Variants in VAT1L observed in about 807,000 individuals in gnomAD.
The protein encoded by VAT1L is vesicle amine transport 1 like, also known as putative NADPH-dependent quinone oxidoreductase VAT1L.
Under a neutral mutation model 44.1 loss-of-function variants are expected in VAT1L, and 34 were observed. That is an observed-to-expected ratio of 0.77 (90% CI 0.59 to 1.03). The LOEUF (loss-of-function observed/expected upper bound fraction) is 1.03. VAT1L is among the 50% of genes least tolerant of loss of function. VAT1L has a pLI of 0.00. For synonymous variants in VAT1L, 253 were observed against 202.2 expected, an observed-to-expected ratio of 1.25 and a Z score of -2.13; for missense variants, 615 against 538.8, an observed-to-expected ratio of 1.14 and a Z score of -1.40.
At chr16:77,945,187 C>T (rs2017944654) in intron 7 of VAT1L, among the ~76,000 whole-genome samples, 1 of 150,996 alleles carries the variant, frequency 6.6e-6, no homozygotes, top group Non-Finnish European at 1.5e-5. Flanking sequence ...ACTGTTCTAG[C>T]ACATAGAAGA....
At chr16:77,976,160 CAG>C (rs1212183906) in intron 8 of VAT1L, among the ~76,000 whole-genome samples, 1 of 152,154 alleles carries the variant, frequency 6.6e-6, no homozygotes, top group East Asian at 1.9e-4. Flanking sequence ...AAGAAAACTG[CAG>C]AGACATGGTC....
At chr16:77,848,741 C>G (rs2016780579) in intron 3 of VAT1L, among the ~76,000 whole-genome samples, 1 of 152,196 alleles carries the variant, frequency 6.6e-6, no homozygotes, top group African/African-American at 2.4e-5. Context: ...TTCCCAGAAC[C>G]TACCCAGTAT....
intron 7 of VAT1L, among the ~76,000 whole-genome samples, chr16:77,940,115 G>A (rs531506585): frequency 5.8e-4 from 89 of 152,232 alleles, no homozygotes; most frequent in African/African-American, 2.1e-3. Context: ...AGCTCAAAAT[G>A]TCAAGAAAGC....
chr16:77,844,077 T>C (rs1189138152), intron 3 of VAT1L, among the ~76,000 whole-genome samples: 1 of 152,224 alleles, frequency 6.6e-6, no homozygotes, highest in East Asian at 1.9e-4. Context: ...CACATAGCTA[T>C]ACAGCAAATA....
At chr16:77,892,981 C>G (rs1004336265) in intron 7 of VAT1L, 41 of 678,764 alleles carry the variant, frequency 6.0e-5, no homozygotes, top group Non-Finnish European at 8.4e-5. Context: ...AGGGTACCCT[C>G]CATCCCATTT....
At position 77,882,950 on chromosome 16, in the gene VAT1L, G is replaced by A. The variant is rs114944386; in HGVS notation, c.883-1658G>A. ...CAAAACTGAAAGCCAAGAAACCTAA[G>A]GTCAAATGCGTGGCTCTTATTGGTC... On this transcript the variant is annotated intron_variant, in intron 6 of 8. Transcript: ENST00000302536. Among the ~76,000 whole-genome samples the A allele has an allele frequency of 3.5e-3, 527 of 152,184 alleles. 3 individuals carry two copies. The highest frequency in any genetic ancestry group is 0.012 in the African/African-American group (479 of 41,504).
chr16:77,854,850 A>G (rs1037754166), intron 3 of VAT1L, among the ~76,000 whole-genome samples: 2 of 152,200 alleles, frequency 1.3e-5, no homozygotes, highest in Non-Finnish European at 2.9e-5. Context: ...TTTTTGTAAG[A>G]TGATCTTGAA....
rs1421820249 is a variant in VAT1L at position 77,793,301 on chromosome 16, T to A, written c.233+4386T>A. Among the ~76,000 whole-genome samples the A allele has an allele frequency of 2.0e-5, 3 of 151,964 alleles. No homozygotes were observed. The South Asian group carries it at 6.2e-4, about 32-fold the overall frequency. ...TAATTTTTTTTTAATTTATTTTTTGTCGAGACAGAGTCTATGTTGCTCAGG... is the reference window on the plus strand; with the variant it reads ...TAATTTTTTTTTAATTTATTTTTTGACGAGACAGAGTCTATGTTGCTCAGG... On this transcript the variant is annotated intron_variant, in intron 1 of 8. Coordinates refer to ENST00000302536, the MANE Select transcript of VAT1L (RefSeq NM_020927.3).
chr16:77,820,816 G>A (rs981655102), intron 2 of VAT1L, among the ~76,000 whole-genome samples: 7 of 152,136 alleles, frequency 4.6e-5, no homozygotes, highest in Non-Finnish European at 7.4e-5. Context: ...GGCACTTAGC[G>A]CAGATTCAGG....
In VAT1L at chr16:77,862,821, A is replaced by G. The variant is rs572264595; in HGVS notation, c.653A>G (p.His218Arg). 5 of 1,614,096 alleles carry G rather than the reference A, an allele frequency of 3.1e-6. No homozygotes were observed. Among genetic ancestry groups the G allele is most frequent in the East Asian group, 4.5e-5 (2 of 44,876 alleles). ...TTTGGAACAGCCTCTACTTTCAAGC[A>G]TGAAGCAATCAAAGACTCTGTGACC... Reference protein sequence around the residue: ...TVFGTASTFKHEAIKDSVTHL... With the variant: ...TVFGTASTFKREAIKDSVTHL... Residue 218 changes from histidine to arginine, a missense_variant, in exon 4 of 9, where the codon CAT (histidine) becomes CGT (arginine). Coordinates refer to ENST00000302536, the MANE Select transcript of VAT1L (RefSeq NM_020927.3).
intron 3 of VAT1L, among the ~76,000 whole-genome samples, chr16:77,854,428 T>C (rs549782315): frequency 1.3e-5 from 2 of 152,218 alleles, no homozygotes; most frequent in Admixed American, 6.5e-5. Flanking sequence ...ACAGTGGAGT[T>C]TGAATTTCCT....
chr16:77,798,985 C>T (rs1333806691), intron 1 of VAT1L, among the ~76,000 whole-genome samples: 3 of 152,090 alleles, frequency 2.0e-5, no homozygotes, highest in Non-Finnish European at 4.4e-5. Context: ...ATCCTCTCTC[C>T]TCATAAGTTA....
intron 3 of VAT1L, among the ~76,000 whole-genome samples, chr16:77,829,805 T>G (rs908715747): frequency 6.6e-6 from 1 of 152,206 alleles, no homozygotes; most frequent in Admixed American, 6.5e-5. Context: ...GGCATTACTG[T>G]TCCTGTGAGG....
At chr16:77,930,083 A>G (rs950290785) in intron 7 of VAT1L, among the ~76,000 whole-genome samples, 2 of 152,106 alleles carry the variant, frequency 1.3e-5, no homozygotes, top group Non-Finnish European at 1.5e-5. Context: ...AGAAGGACCT[A>G]CCTTCCAGCC....
intron 3 of VAT1L, among the ~76,000 whole-genome samples, chr16:77,829,985 G>A (rs1450927574): frequency 6.6e-6 from 1 of 152,158 alleles, no homozygotes; most frequent in Admixed American, 6.5e-5. Context: ...CTAGGTGCCA[G>A]CATGTGCCCC....
At chr16:77,873,438 T>TA (rs2017053235) in intron 4 of VAT1L, among the ~76,000 whole-genome samples, 1 of 152,206 alleles carries the variant, frequency 6.6e-6, no homozygotes, top group South Asian at 2.1e-4. Context: ...ATAGCAGTCT[T>TA]AAACTGTTTT....
chr16:77,952,453 A>AC (rs1207820270), intron 7 of VAT1L, among the ~76,000 whole-genome samples: 2 of 150,952 alleles, frequency 1.3e-5, no homozygotes, highest in Non-Finnish European at 1.5e-5. Flanking sequence ...CCTCCCTGTG[A>AC]CCCCCCACCA....
rs966877492 is a variant in VAT1L, at chr16:77,915,022, G to A, written c.1077+30220G>A. Reference sequence around the variant, plus strand: ...TGTCTGTAATCCCAGCTACTCGGGAGGCTGAGGCAGGAGAATCGCTTGAAC... The same window carrying A: ...TGTCTGTAATCCCAGCTACTCGGGAAGCTGAGGCAGGAGAATCGCTTGAAC... On this transcript the variant is annotated intron_variant, in intron 7 of 8. Transcript: ENST00000302536. 2.6e-5 allele frequency among the ~76,000 whole-genome samples: 4 copies of A among 152,286 alleles called. No homozygotes were observed. In the East Asian group the frequency reaches 7.7e-4, roughly 29 times the overall value.
intron 7 of VAT1L, among the ~76,000 whole-genome samples, chr16:77,955,039 T>G (rs1231765539): frequency 6.6e-6 from 1 of 152,216 alleles, no homozygotes; most frequent in Admixed American, 6.5e-5. Flanking sequence ...TATTGTGTTC[T>G]GTTCATGAGC....
Sources: gnomAD v4.1 joint callset for allele counts (sites outside exome capture counted in the v4.1 genomes callset) on GRCh38, gnomAD v4.1.1 for gene constraint, MANE v1.5 for transcripts, NCBI Gene and HGNC (gene_info 2026-07-23, HGNC 2026-07-21) for gene names.